The following SENP7 variants were observed in gnomAD, a reference collection of about 807,000 sequenced individuals.
SENP7 encodes the protein sentrin-specific protease 7.
A neutral mutation model predicts 141.2 loss-of-function variants in SENP7; 64 were observed. The observed-to-expected ratio is 0.45, with a 90% confidence interval of 0.37 to 0.56. The LOEUF is 0.56. SENP7 is among the 20% of genes least tolerant of loss of function. SENP7 has a pLI of 0.00. For missense variants in SENP7, 1,025 were observed against 1,212.2 expected (o/e 0.85, Z 2.29); for synonymous variants, 382 against 426.4 (o/e 0.90, Z 1.28).
intron 5 of SENP7, among the ~76,000 whole-genome samples, chr3:101,406,679 T>C (rs559339839): frequency 6.6e-6 from 1 of 151,982 alleles, no homozygotes; most frequent in Non-Finnish European, 1.5e-5. Context: ...TTCCCTGGCC[T>C]TGCTAGAGAC....
At chr3:101,490,773 T>C (rs2064933876) in intron 3 of SENP7, among the ~76,000 whole-genome samples, 2 of 152,164 alleles carry the variant, frequency 1.3e-5, no homozygotes, top group Admixed American at 6.5e-5. Context: ...TCCTTTCTCT[T>C]CCATTGAAAA....
At chr3:101,329,675 C>T (rs575710539) in intron 20 of SENP7, among the ~76,000 whole-genome samples, 80 of 150,684 alleles carry the variant, frequency 5.3e-4, no homozygotes, top group Non-Finnish European at 7.2e-4. Context: ...CGGTGGCTCA[C>T]GCCTCTAATC....
intron 6 of SENP7, among the ~76,000 whole-genome samples, chr3:101,383,954 C>G (rs2060579751): frequency 6.6e-6 from 1 of 152,204 alleles, no homozygotes; most frequent in Non-Finnish European, 1.5e-5. Flanking sequence ...GTGCTTTCTC[C>G]AGGCTGAGCC....
intron 4 of SENP7, among the ~76,000 whole-genome samples, chr3:101,446,134 T>G (rs984801555): frequency 1.3e-5 from 2 of 152,148 alleles, no homozygotes; most frequent in African/African-American, 4.8e-5. Flanking sequence ...GTGTAGTGCC[T>G]CTCCCTTCGT....
chr3:101,416,399 G>A (rs2061623833), intron 5 of SENP7, among the ~76,000 whole-genome samples: 1 of 152,156 alleles, frequency 6.6e-6, no homozygotes, highest in Non-Finnish European at 1.5e-5. Flanking sequence ...TGAGTTTGTT[G>A]TCATTTGAAG....
intron 18 of SENP7, 50 bp downstream of exon 18, chr3:101,332,718 ATT>A: frequency 7.9e-7 from 1 of 1,269,348 alleles, no homozygotes; most frequent in Non-Finnish European, 1.0e-6. Flanking sequence ...ACACTACAAA[ATT>A]TTTTTCTGAA....
chr3:101,448,388 C>A (rs1375211568), intron 4 of SENP7, among the ~76,000 whole-genome samples: 1 of 152,170 alleles, frequency 6.6e-6, no homozygotes, highest in East Asian at 1.9e-4. Context: ...TTAACTCTTA[C>A]AACAAAAAGA....
At chr3:101,390,631 C>G (rs928766080) in intron 6 of SENP7, among the ~76,000 whole-genome samples, 1 of 152,086 alleles carries the variant, frequency 6.6e-6, no homozygotes, top group Non-Finnish European at 1.5e-5. Flanking sequence ...AAAGAAGAGA[C>G]AGACTCCAAT....
rs2063622243 is a variant in SENP7 at position 101,463,369 on chromosome 3, ATATATATATATAT to A, written c.187-4330_187-4318del. Among the ~76,000 whole-genome samples the A allele has an allele frequency of 3.7e-5, 3 of 80,578 alleles. 1 individual carries two copies. The highest frequency in any genetic ancestry group is 3.8e-4 in the South Asian group (1 of 2,608). The allele number at this position is 80,578 out of a possible 152,430, so 52.9% of individuals were successfully genotyped here. On this transcript the variant is annotated intron_variant, in intron 3 of 23. Coordinates refer to ENST00000394095, the MANE Select transcript of SENP7 (RefSeq NM_020654.5). ...GTATCATAAATAAATAAATAAATAT[ATATATATATATAT>A]ATATATATATATATACATATATATA...
chr3:101,346,595 T>C (rs766732692), intron 13 of SENP7, among the ~76,000 whole-genome samples: 1 of 152,172 alleles, frequency 6.6e-6, no homozygotes, highest in Non-Finnish European at 1.5e-5. Context: ...AATGAATTAA[T>C]GGCATTCACA....
In SENP7 at chr3:101,480,945, T is replaced by C. The variant is rs538449752; in HGVS notation, c.186+12928A>G. 1.0e-3 allele frequency among the ~76,000 whole-genome samples: 152 copies of C among 149,456 alleles called. 1 individual carries two copies. Among genetic ancestry groups the C allele is most frequent in the African/African-American group, 3.4e-3 (137 of 40,478 alleles). ...AGATATCGTCTTATCCCAGTCAGAA[T>C]AGCTATTATCAGAAAGACAAAAAAA... On this transcript the variant is annotated intron_variant, in intron 3 of 23. Transcript: ENST00000394095.
rs890231051 is a variant in SENP7, at chr3:101,439,060, C to T, written c.284+19895G>A. On this transcript the variant is annotated intron_variant, in intron 4 of 23. Transcript: ENST00000394095. The stretch of plus-strand genomic sequence containing the variant: ...CTGGAAAGTGAGGAGCGTCTCCGCC[C>T]GGCCGCCATCCCATCTAGGAAGTGA... Among the ~76,000 whole-genome samples the T allele has an allele frequency of 5.4e-5, 7 of 129,404 alleles. No homozygotes were observed. The South Asian group carries it at 1.3e-3, about 25-fold the overall frequency. 84.9% of individuals were successfully genotyped at this position (129,404 alleles called of 152,430 possible).
At chr3:101,449,675 AT>A (rs1157268189) in intron 4 of SENP7, among the ~76,000 whole-genome samples, 9 of 152,220 alleles carry the variant, frequency 5.9e-5, no homozygotes, top group Non-Finnish European at 1.3e-4. Flanking sequence ...ATGCTGAGAG[AT>A]TTTGTCACCA....
At chr3:101,411,482 T>G (rs2061456846) in intron 5 of SENP7, among the ~76,000 whole-genome samples, 1 of 152,178 alleles carries the variant, frequency 6.6e-6, no homozygotes, top group South Asian at 2.1e-4. Context: ...CATCAACTAT[T>G]GAAAACTTAT....
chr3:101,451,978 C>T (rs2063156485), intron 4 of SENP7, among the ~76,000 whole-genome samples: 1 of 152,166 alleles, frequency 6.6e-6, no homozygotes, highest in African/African-American at 2.4e-5. Context: ...TGTCTCAGCC[C>T]AAAATCTCCT....
intron 12 of SENP7, among the ~76,000 whole-genome samples, chr3:101,350,029 C>T (rs2682386): frequency 0.32 from 47,986 of 151,992 alleles, 8,125 homozygotes; most frequent in Non-Finnish European, 0.38. Flanking sequence ...CTTAAAAGGG[C>T]AAGAGATTGG....
intron 6 of SENP7, among the ~76,000 whole-genome samples, chr3:101,381,415 T>C (rs1189016198): frequency 6.6e-6 from 1 of 152,142 alleles, no homozygotes; most frequent in African/African-American, 2.4e-5. Context: ...AAAATAACAC[T>C]ATTTTTCATG....
At chr3:101,489,565 G>T (rs1313365093) in intron 3 of SENP7, among the ~76,000 whole-genome samples, 2 of 141,098 alleles carry the variant, frequency 1.4e-5, no homozygotes, top group Non-Finnish European at 3.2e-5. Context: ...GGACAAAGAT[G>T]GGTATTACAT....
chr3:101,336,165 G>A (rs2059179922), intron 17 of SENP7, among the ~76,000 whole-genome samples: 1 of 152,126 alleles, frequency 6.6e-6, no homozygotes, highest in Non-Finnish European at 1.5e-5. Context: ...ACTTCCTTAA[G>A]CTTCAATTCA....
Sources: allele counts gnomAD v4.1 joint callset (sites outside exome capture counted in the v4.1 genomes callset), GRCh38; gene constraint gnomAD v4.1.1; transcripts MANE v1.5; gene names NCBI Gene and HGNC (gene_info 2026-07-23, HGNC 2026-07-21).